The following TAFA5 variants were observed in gnomAD, a reference collection of about 807,000 sequenced individuals.
TAFA5 encodes the protein chemokine-like protein TAFA-5.
In TAFA5, 6 loss-of-function variants were observed where a neutral mutation model predicts 15.3. The ratio of observed to expected loss-of-function variants is 0.39; its 90% CI spans 0.21 to 0.77. The LOEUF (loss-of-function observed/expected upper bound fraction) is 0.77. TAFA5 is among the 30% of genes least tolerant of loss of function. TAFA5 has a pLI of 0.41. For synonymous variants in TAFA5, 103 were observed against 80.7 expected (o/e 1.28, Z -1.48); for missense variants, 161 against 193.1 (o/e 0.83, Z 0.98).
intron 1 of TAFA5, among the ~76,000 whole-genome samples, chr22:48,613,101 G>T (rs542681517): frequency 1.2e-4 from 19 of 152,156 alleles, no homozygotes; most frequent in South Asian, 4.2e-4. Context: ...ATTTCCAGAC[G>T]GTTCCTGTGC....
intron 2 of TAFA5, among the ~76,000 whole-genome samples, chr22:48,685,352 G>A (rs5771717): frequency 0.093 from 14,215 of 152,230 alleles, 977 homozygotes; most frequent in Admixed American, 0.22. Flanking sequence ...AATCTCTCTT[G>A]GATCCAGGAA....
chr22:48,575,808 G>T lies in TAFA5; in HGVS notation c.113-70789G>T, dbSNP rs1601588698. 6.9e-5 allele frequency among the ~76,000 whole-genome samples: 10 copies of T among 143,958 alleles called. No individual in the cohort carries two copies. The South Asian group carries it at 2.1e-3, about 31-fold the overall frequency. 94.4% of individuals were successfully genotyped at this position (143,958 alleles called of 152,430 possible). A position where few individuals can be genotyped will look rare whatever the true frequency, so the allele number is the denominator to read the frequency against. ...TCGGCCGGGCCGCGCGGACCCCGGC[G>T]GCGGCGATGGTGCGGCAGCCCCGCG... On this transcript the variant is annotated intron_variant, in intron 1 of 3. Transcript: ENST00000402357.
chr22:48,658,103 A>C (rs1927309451), intron 2 of TAFA5, among the ~76,000 whole-genome samples: 1 of 152,164 alleles, frequency 6.6e-6, no homozygotes, highest in South Asian at 2.1e-4. Context: ...GCGGGCCCTG[A>C]TTGCGGCCAT....
At chr22:48,542,106 G>GGT (rs567200946) in intron 1 of TAFA5, among the ~76,000 whole-genome samples, 1,150 of 43,126 alleles carry the variant, frequency 0.027, 16 homozygotes, top group African/African-American at 0.046. Context: ...ATGTGTGTGT[G>GGT]GTGTGTGTGT....
At chr22:48,579,510 C>T (rs1923952068) in intron 1 of TAFA5, among the ~76,000 whole-genome samples, 1 of 152,234 alleles carries the variant, frequency 6.6e-6, no homozygotes, top group Non-Finnish European at 1.5e-5. Flanking sequence ...GAAGAGCCGG[C>T]CGCTTCCTTA....
intron 1 of TAFA5, among the ~76,000 whole-genome samples, chr22:48,494,835 T>C (rs1173446717): frequency 6.6e-6 from 1 of 152,226 alleles, no homozygotes; most frequent in South Asian, 2.1e-4. Flanking sequence ...TCTGGGCGAC[T>C]ATTCTCGTCT....
Position 48,560,589 on chromosome 22 carries a change from TTA to T in TAFA5, c.112+70889_112+70890del, listed in dbSNP as rs3079676. On this transcript the variant is annotated intron_variant, in intron 1 of 3. Transcript: ENST00000402357. The surrounding 1 kb of genome is among the most constrained non-coding windows in gnomAD (Gnocchi z 4.2). ...TATTTTATTATTATTATTATTATTA[TTA>T]TATTATTATTATTAATTATTTATTT... Among the ~76,000 whole-genome samples the T allele has an allele frequency of 0.66, 96,616 of 145,486 alleles. 32,139 individuals are homozygous for T. The highest frequency in any genetic ancestry group is 0.74 in the South Asian group (3,415 of 4,632).
intron 2 of TAFA5, among the ~76,000 whole-genome samples, chr22:48,689,810 G>A (rs899348451): frequency 6.6e-6 from 1 of 152,150 alleles, no homozygotes; most frequent in Non-Finnish European, 1.5e-5. Flanking sequence ...CCACAGCCTT[G>A]GGCCTTCCTT....
At chr22:48,503,705 T>C (rs931187934) in intron 1 of TAFA5, among the ~76,000 whole-genome samples, 3 of 152,268 alleles carry the variant, frequency 2.0e-5, no homozygotes, top group African/African-American at 4.8e-5. Context: ...GATCTACTTT[T>C]GCTTCCATCA....
chr22:48,602,926 C>T lies in TAFA5; in HGVS notation c.113-43671C>T, dbSNP rs114641410. ...CTGCCGATCTATGAGGCCGATGCCCCTGAGGCCGAGAGGCCCAGACAGGGA... is the reference window on the plus strand; with the variant it reads ...CTGCCGATCTATGAGGCCGATGCCCTTGAGGCCGAGAGGCCCAGACAGGGA... On this transcript the variant is annotated intron_variant, in intron 1 of 3. Transcript: ENST00000402357. Among the ~76,000 whole-genome samples the T allele has an allele frequency of 2.5e-3, 377 of 152,292 alleles. 2 individuals carry two copies. Among genetic ancestry groups the T allele is most frequent in the African/African-American group, 8.7e-3 (362 of 41,570 alleles).
intron 1 of TAFA5, among the ~76,000 whole-genome samples, chr22:48,551,531 C>T (rs1405756256): frequency 6.6e-6 from 1 of 152,206 alleles, no homozygotes; most frequent in Non-Finnish European, 1.5e-5. Context: ...GGGGCCCAGC[C>T]CATCAAGAAT....
At chr22:48,571,872 A>G (rs1181744974) in intron 1 of TAFA5, among the ~76,000 whole-genome samples, 1 of 151,834 alleles carries the variant, frequency 6.6e-6, no homozygotes, top group East Asian at 1.9e-4. Flanking sequence ...TCTTATAAAC[A>G]TATTTGATTT....
At chr22:48,621,335 AT>A (rs1487636340) in intron 1 of TAFA5, among the ~76,000 whole-genome samples, 1 of 147,192 alleles carries the variant, frequency 6.8e-6, no homozygotes, top group East Asian at 2.1e-4. Flanking sequence ...TCCATCATCC[AT>A]CCCTGCTTCC....
chr22:48,714,780 CAT>C (rs1011077810), intron 3 of TAFA5, among the ~76,000 whole-genome samples: 1 of 152,190 alleles, frequency 6.6e-6, no homozygotes, highest in Non-Finnish European at 1.5e-5. Flanking sequence ...ATGGCAGAAA[CAT>C]ATTATCTCAA....
At chr22:48,578,097 C>T (rs536819328) in intron 1 of TAFA5, among the ~76,000 whole-genome samples, 24 of 152,326 alleles carry the variant, frequency 1.6e-4, no homozygotes, top group East Asian at 3.9e-4. Flanking sequence ...TGTTTGTGTT[C>T]GCGCTGCAAG....
chr22:48,567,242 G>A (rs1923437188), intron 1 of TAFA5, among the ~76,000 whole-genome samples: 1 of 152,232 alleles, frequency 6.6e-6, no homozygotes, highest in Non-Finnish European at 1.5e-5. Context: ...CTTGGGGAGA[G>A]CATCCCGCTG....
intron 2 of TAFA5, among the ~76,000 whole-genome samples, chr22:48,678,024 C>G (rs1928030558): frequency 6.6e-6 from 1 of 152,170 alleles, no homozygotes; most frequent in Admixed American, 6.5e-5. Flanking sequence ...TTCCAGGCCC[C>G]TGGGGCTCCC....
intron 1 of TAFA5, chr22:48,576,353 C>T: frequency 8.3e-7 from 1 of 1,205,690 alleles, no homozygotes; most frequent in Non-Finnish European, 1.0e-6. Flanking sequence ...CGCGGCGGAG[C>T]GCGGCGTTGG....
At chr22:48,719,641 C>T (rs1779646137) in intron 3 of TAFA5, among the ~76,000 whole-genome samples, 1 of 152,224 alleles carries the variant, frequency 6.6e-6, no homozygotes, top group Non-Finnish European at 1.5e-5. Context: ...AGAGACGGCG[C>T]AGGGGTGGGT....
Sources: gnomAD v4.1 joint callset for allele counts (sites outside exome capture counted in the v4.1 genomes callset) on GRCh38, gnomAD v4.1.1 for gene constraint, Gnocchi (gnomAD v3.1) non-coding constraint, MANE v1.5 for transcripts, NCBI Gene and HGNC (gene_info 2026-07-23, HGNC 2026-07-21) for gene names.